Variants in MIPOL1 observed in about 807,000 individuals in gnomAD.
MIPOL1 encodes the protein mirror-image polydactyly 1, also known as mirror-image polydactyly gene 1 protein.
MIPOL1 carries 57 observed loss-of-function variants against 60.9 expected under a neutral mutation model. That is an observed-to-expected ratio of 0.94 (90% CI 0.76 to 1.17). The LOEUF (loss-of-function observed/expected upper bound fraction) is 1.17, where lower values mean the gene tolerates loss of function less well. MIPOL1 is among the 50% of genes most tolerant of loss of function. The probability of loss-of-function intolerance (pLI) is 0.00; values close to 1 mark genes in which losing one functional copy is unlikely to be tolerated. For synonymous variants in MIPOL1, 179 were observed against 168.8 expected (o/e 1.06, Z -0.47); for missense variants, 551 against 511.6 (o/e 1.08, Z -0.74).
chr14:37,443,336 A>G (rs1302158484), intron 11 of MIPOL1, among the ~76,000 whole-genome samples: 1 of 151,442 alleles, frequency 6.6e-6, no homozygotes, highest in African/African-American at 2.4e-5. Flanking sequence ...GTGTGTACCT[A>G]TAGTTCCAGC....
intron 11 of MIPOL1, among the ~76,000 whole-genome samples, chr14:37,467,880 G>T (rs980958804): frequency 1.3e-5 from 2 of 151,492 alleles, no homozygotes; most frequent in East Asian, 3.9e-4. Flanking sequence ...ATGGTGAAAA[G>T]CCGTCTCTAC....
intron 12 of MIPOL1, among the ~76,000 whole-genome samples, chr14:37,512,478 G>GAA (rs570306658): frequency 7.8e-6 from 1 of 127,614 alleles, no homozygotes; most frequent in Non-Finnish European, 1.7e-5. Context: ...TTTCTCAGTT[G>GAA]AAAAAAAAAA....
chr14:37,366,100 T>C (rs1212750227), intron 9 of MIPOL1, among the ~76,000 whole-genome samples: 4 of 152,014 alleles, frequency 2.6e-5, no homozygotes, highest in Admixed American at 1.3e-4. Context: ...CTCTCCTTTT[T>C]TCTTAGTCTG....
chr14:37,202,976 G>T (rs536831712), intron 1 of MIPOL1, among the ~76,000 whole-genome samples: 1 of 152,036 alleles, frequency 6.6e-6, no homozygotes, highest in Non-Finnish European at 1.5e-5. Context: ...TTACTAGTAC[G>T]TCCAGCTACC....
intron 1 of MIPOL1, among the ~76,000 whole-genome samples, chr14:37,234,460 G>A (rs1389189874): frequency 6.6e-6 from 1 of 151,066 alleles, no homozygotes; most frequent in African/African-American, 2.4e-5. Flanking sequence ...CAACGTGCTG[G>A]TATTACAGGC....
intron 11 of MIPOL1, among the ~76,000 whole-genome samples, chr14:37,466,476 A>G (rs2094599540): frequency 6.6e-6 from 1 of 152,236 alleles, no homozygotes; most frequent in Non-Finnish European, 1.5e-5. Context: ...TTTGATAACT[A>G]GCAAAACACC....
intron 1 of MIPOL1, among the ~76,000 whole-genome samples, chr14:37,245,633 C>T (rs1367097985): frequency 1.3e-5 from 2 of 152,026 alleles, no homozygotes; most frequent in Non-Finnish European, 2.9e-5. Flanking sequence ...CTCTTCGTCT[C>T]CAAAAATATT....
At chr14:37,457,470 T>A (rs1308259833) in intron 11 of MIPOL1, among the ~76,000 whole-genome samples, 1 of 152,158 alleles carries the variant, frequency 6.6e-6, no homozygotes, top group Non-Finnish European at 1.5e-5. Flanking sequence ...TTGGCAGTAG[T>A]GAGATGAGGA....
At chr14:37,234,148 A>G (rs1359362259) in intron 1 of MIPOL1, among the ~76,000 whole-genome samples, 1 of 152,176 alleles carries the variant, frequency 6.6e-6, no homozygotes, top group Non-Finnish European at 1.5e-5. Flanking sequence ...AAGTTTGCTC[A>G]GGTTTATTCT....
chr14:37,408,725 T>C (rs1425606087), intron 10 of MIPOL1, among the ~76,000 whole-genome samples: 1 of 152,168 alleles, frequency 6.6e-6, no homozygotes, highest in Non-Finnish European at 1.5e-5. Flanking sequence ...TCATCTATTT[T>C]TGATGGTTGT....
intron 9 of MIPOL1, among the ~76,000 whole-genome samples, chr14:37,362,822 T>A (rs1362817839): frequency 6.6e-6 from 1 of 152,178 alleles, no homozygotes; most frequent in Non-Finnish European, 1.5e-5. Flanking sequence ...TACTCTTTTT[T>A]CTCTAAACTT....
chr14:37,546,309 A>T (rs1288425403), intron 12 of MIPOL1, among the ~76,000 whole-genome samples: 1 of 152,218 alleles, frequency 6.6e-6, no homozygotes. Context: ...TAGAACAAAA[A>T]GTCTGGTTTT....
rs558444727 is a variant in MIPOL1, at chr14:37,548,246, A to G, written c.*1275A>G. 6.6e-5 allele frequency: 10 copies of G among 152,144 alleles called. No homozygotes were observed. Among genetic ancestry groups the G allele is most frequent in the Middle Eastern group, 3.4e-3 (1 of 294 alleles). 9.4% of individuals were successfully genotyped at this position (152,144 alleles called of 1,614,324 possible). ...TATTTACAGGATAAGTACATTCAGG[A>G]CAATTTATTGTACCATTCTTTCATA... is the stretch of plus-strand genomic sequence containing the variant. On this transcript the variant is annotated 3_prime_UTR_variant, in exon 13 of 13. Transcript: ENST00000684589.
intron 6 of MIPOL1, chr14:37,278,630 A>T (rs1175564129): frequency 6.6e-6 from 1 of 151,824 alleles, no homozygotes; most frequent in Non-Finnish European, 1.5e-5. Flanking sequence ...TTTTATATTT[A>T]CATAACTACC....
chr14:37,363,859 C>G (rs1254322171), intron 9 of MIPOL1, among the ~76,000 whole-genome samples: 1 of 152,178 alleles, frequency 6.6e-6, no homozygotes, highest in Non-Finnish European at 1.5e-5. Flanking sequence ...CCTCCCCCAG[C>G]CAAGCTGCAG....
chr14:37,305,289 G>C (rs2086687453), intron 7 of MIPOL1, among the ~76,000 whole-genome samples: 1 of 151,664 alleles, frequency 6.6e-6, no homozygotes, highest in South Asian at 2.1e-4. Context: ...ATTCCAAATT[G>C]GCACTTAACA....
At chr14:37,541,274 A>T (rs2095528600) in intron 12 of MIPOL1, among the ~76,000 whole-genome samples, 1 of 151,944 alleles carries the variant, frequency 6.6e-6, no homozygotes, top group Admixed American at 6.6e-5. Context: ...TGCTCCTTCC[A>T]TTCTCCCCGT....
At chr14:37,262,724 A>C (rs1011898710) in intron 3 of MIPOL1, among the ~76,000 whole-genome samples, 1 of 152,188 alleles carries the variant, frequency 6.6e-6, no homozygotes, top group African/African-American at 2.4e-5. Flanking sequence ...TAATACTTCT[A>C]TCCACCCTTT....
rs28867458 is a variant in MIPOL1, at chr14:37,354,303, T to A, written c.829-15214T>A. Among the ~76,000 whole-genome samples the A allele has an allele frequency of 3.7e-3, 523 of 140,622 alleles. 3 individuals are homozygous for A. The highest frequency in any genetic ancestry group is 0.012 in the African/African-American group (454 of 37,416). 92.3% of individuals were successfully genotyped at this position (140,622 alleles called of 152,430 possible). On this transcript the variant is annotated intron_variant, in intron 9 of 12. Transcript: ENST00000684589. ...GTTATAATTTCTGTTCTTTTACATT[T>A]GCTGAGGAGAGCTTTACTTCCAAGT...
Sources: gnomAD v4.1 joint callset for allele counts (sites outside exome capture counted in the v4.1 genomes callset) on GRCh38, gnomAD v4.1.1 for gene constraint, MANE v1.5 for transcripts, NCBI Gene and HGNC (gene_info 2026-07-23, HGNC 2026-07-21) for gene names.